MIDEAS: variants seen among roughly 807,000 people sequenced by gnomAD.
MIDEAS encodes the protein mitotic deacetylase-associated SANT domain protein.
A neutral mutation model predicts 102.7 loss-of-function variants in MIDEAS; 26 were observed. That is an observed-to-expected ratio of 0.25 (90% CI 0.19 to 0.35). The LOEUF (loss-of-function observed/expected upper bound fraction) is 0.35. MIDEAS is among the 10% of genes least tolerant of loss of function. The probability of loss-of-function intolerance (pLI) is 1.00; values close to 1 mark genes in which losing one functional copy is unlikely to be tolerated. For missense variants in MIDEAS, 1,231 were observed against 1,435.6 expected, an observed-to-expected ratio of 0.86 and a Z score of 2.30; for synonymous variants, 585 against 591.0, an observed-to-expected ratio of 0.99 and a Z score of 0.15.
chr14:73,734,957 A>G (rs1375250533), intron 3 of MIDEAS, among the ~76,000 whole-genome samples: 2 of 152,242 alleles, frequency 1.3e-5, no homozygotes, highest in Non-Finnish European at 2.9e-5. Flanking sequence ...AACATGGGAA[A>G]GGCAAGATGG....
At chr14:73,733,553 C>G (rs2140113598) in intron 3 of MIDEAS, among the ~76,000 whole-genome samples, 1 of 152,254 alleles carries the variant, frequency 6.6e-6, no homozygotes, top group African/African-American at 2.4e-5. Context: ...CATGCCACTG[C>G]ACTCCAGCCT....
chr14:73,738,748 G>C lies in MIDEAS; in HGVS notation c.1261C>G (p.Arg421Gly). 1 of 1,610,446 alleles carries C rather than the reference G, an allele frequency of 6.2e-7. No homozygotes were observed. Residue 421 changes from arginine (R) to glycine (G), a missense_variant, in exon 2 of 13, where the codon CGG becomes GGG. Arg to Gly is a moderately radical substitution (Grantham distance 125, BLOSUM62 -2). Around this residue, in one of 5 missense-constraint regions of MIDEAS, gnomAD observed 758 missense variants for 856.0 expected, o/e 0.89. Transcript: ENST00000423556. ...CCCATGGCAGGAGCCTCTCGCTCCC[G>C]GCCATTGGGTGCTAGTCTCTCCCCA... is the stretch of plus-strand genomic sequence containing the variant. ...PDGERLAPNG[R>G]EREAPAMGSE...
At position 73,738,953 on chromosome 14, in the gene MIDEAS, C is replaced by G. The variant is rs200114212; in HGVS notation, c.1056G>C (p.Glu352Asp). The G allele has an allele frequency of 1.5e-4, 229 of 1,530,094 alleles. No homozygotes were observed. In the East Asian group the frequency reaches 4.4e-3, roughly 30 times the overall value. The allele number at this position is 1,530,094 out of a possible 1,614,324, so 94.8% of individuals were successfully genotyped here. A position where few individuals can be genotyped will look rare whatever the true frequency, so the allele number is the denominator to read the frequency against. Residue 352 changes from glutamate to aspartate, a missense_variant, in exon 2 of 13, where the codon GAG (glutamate) becomes GAC (aspartate). Coordinates refer to ENST00000423556, the MANE Select transcript of MIDEAS (RefSeq NM_001367710.1). ...CCAGGGCGCTGGGAGGCAGGATACC[C>G]TCCTTAGAGAGGCGGCGGGAGCGGC... The part of the protein sequence containing the change: ...FPRRSRRLSK[E>D]GILPPSALDG...
intron 1 of MIDEAS, among the ~76,000 whole-genome samples, chr14:73,752,231 A>G (rs2053428706): frequency 6.6e-6 from 1 of 152,154 alleles, no homozygotes; most frequent in Non-Finnish European, 1.5e-5. Flanking sequence ...TAGAACCAAG[A>G]CCTCAAAGGT....
chr14:73,753,984 A>G (rs373155258), intron 1 of MIDEAS, among the ~76,000 whole-genome samples: 6 of 152,326 alleles, frequency 3.9e-5, no homozygotes, highest in African/African-American at 1.4e-4. Flanking sequence ...TGCGATGGCC[A>G]GAGGGAGGCT....
At chr14:73,733,989 G>GTTTTTTTTTTTTTTT in intron 3 of MIDEAS, among the ~76,000 whole-genome samples, 1 of 150,100 alleles carries the variant, frequency 6.7e-6, no homozygotes, top group Non-Finnish European at 1.5e-5. Flanking sequence ...CAGGATACAT[G>GTTTTTTTTTTTTTTT]TTTTGTTTTG....
At position 73,740,091 on chromosome 14, in the gene MIDEAS, C is replaced by T; in HGVS notation, c.-83G>A. ...GGGAAACGTCCTGCTGGAAGCCGGG[C>T]TCTAGTCCAGGAGCCAGGGAGGGCA... On this transcript the variant is annotated 5_prime_UTR_variant, in exon 2 of 13. Transcript: ENST00000423556. 7.1e-7 allele frequency: 1 copy of T among 1,405,204 alleles called. No homozygotes were observed. The highest frequency in any genetic ancestry group is 9.3e-7 in the Non-Finnish European group (1 of 1,080,304). The allele number at this position is 1,405,204 out of a possible 1,614,324, so 87.0% of individuals were successfully genotyped here.
At chr14:73,746,572 A>G (rs2053354339) in intron 1 of MIDEAS, among the ~76,000 whole-genome samples, 1 of 152,110 alleles carries the variant, frequency 6.6e-6, no homozygotes, top group Non-Finnish European at 1.5e-5. Flanking sequence ...AACAGTCTCT[A>G]TGCCCTATAC....
chr14:73,773,483 C>T (rs2053660201), intron 1 of MIDEAS, among the ~76,000 whole-genome samples: 2 of 151,786 alleles, frequency 1.3e-5, no homozygotes, highest in African/African-American at 2.4e-5. Context: ...GAGCCCACCC[C>T]TCCCTGGACA....
chr14:73,789,300 G>C (rs1486351367), upstream of MIDEAS, among the ~76,000 whole-genome samples: 2 of 152,142 alleles, frequency 1.3e-5, no homozygotes, highest in Admixed American at 6.5e-5. Context: ...CACTCACTGT[G>C]GGGGAAGCCA....
chr14:73,754,987 A>C (rs1415865709), intron 1 of MIDEAS: 1 of 152,160 alleles, frequency 6.6e-6, no homozygotes, highest in Non-Finnish European at 1.5e-5. Flanking sequence ...CTACAAGCCT[A>C]CTGTAGCTCA....
chr14:73,771,825 C>G (rs754570192), intron 1 of MIDEAS, among the ~76,000 whole-genome samples: 1 of 152,196 alleles, frequency 6.6e-6, no homozygotes, highest in Non-Finnish European at 1.5e-5. Flanking sequence ...GAGCAAGACG[C>G]TACCTCACTA....
Position 73,739,142 on chromosome 14 carries a change from G to A in MIDEAS, c.867C>T (p.Gly289=). 6.2e-7 allele frequency: 1 copy of A among 1,613,216 alleles called. No individual in the cohort carries two copies. The change falls in exon 2 of 13, where the codon GGC becomes GGT. Residue 289 remains glycine (G), a synonymous_variant. Coordinates refer to ENST00000423556, the MANE Select transcript of MIDEAS (RefSeq NM_001367710.1). ...QQPSQQPQDF[G]LQPAGPLGQS... ...GTCCCAGTGGCCCAGCTGGCTGCAGGCCAAAGTCCTGGGGTTGCTGCGAGG... is the reference window on the plus strand; with the variant it reads ...GTCCCAGTGGCCCAGCTGGCTGCAGACCAAAGTCCTGGGGTTGCTGCGAGG...
rs1595258592 is a variant in MIDEAS at position 73,729,534 on chromosome 14, C to T, written c.2095+106G>A. On this transcript the variant is annotated intron_variant, in intron 4 of 12. Transcript: ENST00000423556. ...GAGAAGACAGAGCAGAGCTCCTTCT[C>T]CCAGAGTGTTCCAGCCCAATCCCCA... The T allele has an allele frequency of 5.4e-6, 5 of 925,482 alleles. No homozygotes were observed. The East Asian group carries it at 8.0e-5, about 15-fold the overall frequency. The allele number at this position is 925,482 out of a possible 1,614,324, so 57.3% of individuals were successfully genotyped here.
chr14:73,752,988 C>T (rs8007812), intron 1 of MIDEAS, among the ~76,000 whole-genome samples: 49 of 152,344 alleles, frequency 3.2e-4, no homozygotes, highest in African/African-American at 1.1e-3. Context: ...CCAAAGATTC[C>T]ACCTAGCCCC....
At chr14:73,771,768 G>A (rs980974865) in intron 1 of MIDEAS, among the ~76,000 whole-genome samples, 1 of 152,234 alleles carries the variant, frequency 6.6e-6, no homozygotes, top group Admixed American at 6.5e-5. Flanking sequence ...TAGCATTAAA[G>A]AGCAACTAAA....
At chr14:73,776,551 G>A (rs1179971299) in intron 1 of MIDEAS, among the ~76,000 whole-genome samples, 1 of 147,314 alleles carries the variant, frequency 6.8e-6, no homozygotes, top group African/African-American at 2.5e-5. Context: ...AAAAAAAGAT[G>A]TGGATGTTTT....
upstream of MIDEAS, among the ~76,000 whole-genome samples, chr14:73,760,787 C>T (rs1457021997): frequency 6.6e-6 from 1 of 152,186 alleles, no homozygotes; most frequent in African/African-American, 2.4e-5. The surrounding 1 kb of genome is among the most constrained non-coding windows in gnomAD (Gnocchi z 4.8). Flanking sequence ...AAGGACCCAC[C>T]ATCTCCATCG....
At chr14:73,750,002 A>G (rs989963712) in intron 1 of MIDEAS, among the ~76,000 whole-genome samples, 5 of 152,236 alleles carry the variant, frequency 3.3e-5, no homozygotes, top group Non-Finnish European at 7.3e-5. Flanking sequence ...ACAGCTTGTC[A>G]GGCAGCCCTG....
Sources: allele counts gnomAD v4.1 joint callset (sites outside exome capture counted in the v4.1 genomes callset), GRCh38; gene constraint gnomAD v4.1.1; regional missense constraint gnomAD v4.1.1; non-coding constraint Gnocchi (gnomAD v3.1); transcripts MANE v1.5; gene names NCBI Gene and HGNC (gene_info 2026-07-23, HGNC 2026-07-21).